RBM20: variants seen among roughly 807,000 people sequenced by gnomAD.
RBM20 encodes the protein RNA-binding protein 20.
RBM20 carries 51 observed loss-of-function variants against 110.1 expected under a neutral mutation model. The observed-to-expected ratio is 0.46, with a 90% CI of 0.37 to 0.59. The LOEUF (loss-of-function observed/expected upper bound fraction) is 0.59, where lower values mean the gene tolerates loss of function less well. Among genes scored for constraint, RBM20 ranks in the 20% least tolerant of loss-of-function variants. RBM20 has a pLI of 0.00. For synonymous variants in RBM20, 589 were observed against 618.2 expected (o/e 0.95, Z 0.70); for missense variants, 1,512 against 1,574.9 (o/e 0.96, Z 0.68).
At chr10:110,691,016 A>C (rs2134876536) in intron 1 of RBM20, among the ~76,000 whole-genome samples, 1 of 152,260 alleles carries the variant, frequency 6.6e-6, no homozygotes. Context: ...CTAACCCCCC[A>C]TGTGATGGTA....
chr10:110,679,298 A>C (rs1862385523), intron 1 of RBM20, among the ~76,000 whole-genome samples: 1 of 152,142 alleles, frequency 6.6e-6, no homozygotes, highest in Admixed American at 6.5e-5. Flanking sequence ...ATCATAGCTC[A>C]CTGCGGCCTT....
At chr10:110,715,409 G>A in intron 1 of RBM20, among the ~76,000 whole-genome samples, 1 of 152,216 alleles carries the variant, frequency 6.6e-6, no homozygotes, top group Non-Finnish European at 1.5e-5. Flanking sequence ...TATCAGCCAT[G>A]CATGTACTCC....
At chr10:110,696,734 G>A (rs1862669542) in intron 1 of RBM20, among the ~76,000 whole-genome samples, 1 of 152,182 alleles carries the variant, frequency 6.6e-6, no homozygotes, top group Admixed American at 6.5e-5. Flanking sequence ...GAGCCAAAGG[G>A]AATTTGAGGC....
intron 1 of RBM20, among the ~76,000 whole-genome samples, chr10:110,743,004 A>T (rs1843739251): frequency 1.3e-5 from 2 of 152,204 alleles, no homozygotes; most frequent in South Asian, 4.1e-4. Context: ...TTGCACAGGG[A>T]CAGTGTGAAG....
At chr10:110,734,618 C>CGTTTTTTTTTTTT (rs34824300) in intron 1 of RBM20, among the ~76,000 whole-genome samples, 1 of 136,532 alleles carries the variant, frequency 7.3e-6, no homozygotes, top group Non-Finnish European at 1.6e-5. Flanking sequence ...AAAATTCCCT[C>CGTTTTTTTTTTTT]TTTTTTTTTT....
chr10:110,706,696 T>C (rs1862844279), intron 1 of RBM20, among the ~76,000 whole-genome samples: 2 of 152,160 alleles, frequency 1.3e-5, no homozygotes, highest in African/African-American at 4.8e-5. Context: ...TCAAAACCAA[T>C]GGCGATTCTC....
chr10:110,648,740 C>T (rs141829857), intron 1 of RBM20, among the ~76,000 whole-genome samples: 1 of 152,066 alleles, frequency 6.6e-6, no homozygotes, highest in East Asian at 1.9e-4. Context: ...TTCTTAGCAG[C>T]CTGAATGATT....
At chr10:110,744,402 C>T (rs1051288775) in intron 1 of RBM20, among the ~76,000 whole-genome samples, 2 of 152,138 alleles carry the variant, frequency 1.3e-5, no homozygotes, top group Non-Finnish European at 2.9e-5. Context: ...TGGGAAACGC[C>T]ACTACCAAGG....
chr10:110,667,036 T>A (rs1023517727), intron 1 of RBM20, among the ~76,000 whole-genome samples: 6 of 152,186 alleles, frequency 3.9e-5, no homozygotes, highest in Non-Finnish European at 5.9e-5. Flanking sequence ...AGATCTGGGT[T>A]AGGTAGCACA....
chr10:110,645,217 G>T (rs903328674), intron 1 of RBM20, among the ~76,000 whole-genome samples: 2 of 152,282 alleles, frequency 1.3e-5, no homozygotes, highest in African/African-American at 4.8e-5. Context: ...CTTGTGACTC[G>T]GGTGACCTGT....
chr10:110,718,317 C>T (rs536918168), intron 1 of RBM20, among the ~76,000 whole-genome samples: 2 of 152,270 alleles, frequency 1.3e-5, no homozygotes, highest in South Asian at 4.2e-4. Context: ...GACATTCAGG[C>T]ATCTTAGTTT....
chr10:110,832,345 A>C (rs1223716465), intron 13 of RBM20, among the ~76,000 whole-genome samples: 1 of 152,210 alleles, frequency 6.6e-6, no homozygotes, highest in African/African-American at 2.4e-5. Flanking sequence ...CATTACTATT[A>C]TCATTAAATT....
chr10:110,646,928 T>C (rs1418086244), intron 1 of RBM20, among the ~76,000 whole-genome samples: 1 of 152,212 alleles, frequency 6.6e-6, no homozygotes, highest in African/African-American at 2.4e-5. Context: ...ATATTAAATA[T>C]TATTAGAGAA....
At chr10:110,747,294 T>TG (rs1291894674) in intron 1 of RBM20, among the ~76,000 whole-genome samples, 1 of 135,648 alleles carries the variant, frequency 7.4e-6, no homozygotes, top group African/African-American at 2.8e-5. Flanking sequence ...AAACTCTTTT[T>TG]TTGGGGGGGG....
chr10:110,698,009 G>A (rs974377185), intron 1 of RBM20, among the ~76,000 whole-genome samples: 2 of 151,108 alleles, frequency 1.3e-5, no homozygotes, highest in South Asian at 2.1e-4. Context: ...CCGGCTTCAC[G>A]CCATTCTCCT....
intron 5 of RBM20, among the ~76,000 whole-genome samples, chr10:110,791,789 G>A (rs945464444): frequency 6.6e-6 from 1 of 152,166 alleles, no homozygotes; most frequent in African/African-American, 2.4e-5. Context: ...CCTCCCTGAG[G>A]CTGAAAAAGG....
chr10:110,653,359 G>C (rs779289087), intron 1 of RBM20, among the ~76,000 whole-genome samples: 1 of 152,072 alleles, frequency 6.6e-6, no homozygotes, highest in Admixed American at 6.5e-5. Context: ...TTGCATTCTT[G>C]CTTGCCCTTG....
intron 6 of RBM20, 80 bp from the exon 7 acceptor site, chr10:110,799,707 C>T (rs576937628): frequency 2.5e-5 from 35 of 1,381,354 alleles, no homozygotes; most frequent in African/African-American, 8.7e-5. Flanking sequence ...ACTTCATAGA[C>T]GTGGAATCAT....
At chr10:110,758,801 A>G (rs1346975963) in intron 1 of RBM20, among the ~76,000 whole-genome samples, 1 of 152,236 alleles carries the variant, frequency 6.6e-6, no homozygotes, top group Non-Finnish European at 1.5e-5. Context: ...CCTATTGAAC[A>G]GTGCAGATGA....
Sources: gnomAD v4.1 joint callset for allele counts (sites outside exome capture counted in the v4.1 genomes callset) on GRCh38, gnomAD v4.1.1 for gene constraint, MANE v1.5 for transcripts, NCBI Gene and HGNC (gene_info 2026-07-23, HGNC 2026-07-21) for gene names.